RRAGD: variants seen among roughly 807,000 people sequenced by gnomAD.
The protein encoded by RRAGD is Ras related GTP binding D, also known as ras-related GTP-binding protein D.
RRAGD carries 12 observed loss-of-function variants against 35.5 expected under a neutral mutation model. The observed-to-expected ratio is 0.34, with a 90% CI of 0.22 to 0.55. The LOEUF is 0.55. Among genes scored for constraint, RRAGD ranks in the 20% least tolerant of loss-of-function variants. The pLI, the probability that RRAGD is intolerant of heterozygous loss-of-function variation, is 0.91. For synonymous variants in RRAGD, 155 were observed against 178.9 expected, an observed-to-expected ratio of 0.87 and a Z score of 1.07; for missense variants, 324 against 490.1, an observed-to-expected ratio of 0.66 and a Z score of 3.20.
At chr6:89,408,464 G>C (rs1360081839) in intron 1 of RRAGD, among the ~76,000 whole-genome samples, 6 of 152,116 alleles carry the variant, frequency 3.9e-5, no homozygotes, top group Non-Finnish European at 8.8e-5. Context: ...GACCAGCCTA[G>C]GCAATATAGA....
At chr6:89,380,506 A>T in intron 2 of RRAGD, 139 bp from the exon 3 acceptor site, 1 of 664,696 alleles carries the variant, frequency 1.5e-6, no homozygotes, top group Non-Finnish European at 2.5e-6. Flanking sequence ...CTGGCTTCTT[A>T]TAATTCCAGT....
chr6:89,379,652 T>G (rs1475889190), intron 3 of RRAGD, among the ~76,000 whole-genome samples: 1 of 152,240 alleles, frequency 6.6e-6, no homozygotes, highest in Non-Finnish European at 1.5e-5. Context: ...CAGATCATCT[T>G]TACACAAGCC....
intron 6 of RRAGD, among the ~76,000 whole-genome samples, chr6:89,370,425 C>T (rs1257302993): frequency 6.6e-6 from 1 of 152,184 alleles, no homozygotes; most frequent in Non-Finnish European, 1.5e-5. Context: ...TTTAAAAATA[C>T]TAATACCCAA....
chr6:89,396,252 C>CA (rs905678910), intron 1 of RRAGD, among the ~76,000 whole-genome samples: 11 of 151,100 alleles, frequency 7.3e-5, no homozygotes, highest in African/African-American at 2.4e-4. Flanking sequence ...CAGCAACTCT[C>CA]AAAAAAAATA....
chr6:89,399,919 T>A (rs1478082169), intron 1 of RRAGD, among the ~76,000 whole-genome samples: 1 of 152,070 alleles, frequency 6.6e-6, no homozygotes, highest in Non-Finnish European at 1.5e-5. Flanking sequence ...GGGACATTTC[T>A]ACAAACTTCA....
chr6:89,401,727 T>G (rs1278424233), intron 1 of RRAGD, among the ~76,000 whole-genome samples: 1 of 152,160 alleles, frequency 6.6e-6, no homozygotes, highest in African/African-American at 2.4e-5. Flanking sequence ...CTTCTTCAGC[T>G]CAGCCCAGCT....
Position 89,367,912 on chromosome 6 carries a change from C to G in RRAGD, c.*144G>C, listed in dbSNP as rs1768782407. On this transcript the variant is annotated 3_prime_UTR_variant, in exon 7 of 7. Transcript: ENST00000369415. ...TTACTTTATTTATAAAAGAGAAGAT[C>G]AAGAGGGTTGCAGGAATTTTTTTTT... is the stretch of plus-strand genomic sequence containing the variant. 1.5e-6 allele frequency: 1 copy of G among 662,790 alleles called. No individual in the cohort carries two copies. Among genetic ancestry groups the G allele is most frequent in the Admixed American group, 3.4e-5 (1 of 29,778 alleles). The allele number at this position is 662,790 out of a possible 1,614,324, so 41.1% of individuals were successfully genotyped here. A position where few individuals can be genotyped will look rare whatever the true frequency, so the allele number is the denominator to read the frequency against.
chr6:89,382,174 T>A (rs1287300990), intron 2 of RRAGD, among the ~76,000 whole-genome samples: 2 of 152,080 alleles, frequency 1.3e-5, no homozygotes, highest in Non-Finnish European at 2.9e-5. Context: ...AGTAAAAATG[T>A]ATCCCTAGTC....
chr6:89,368,103 TCTG>T lies in RRAGD; in HGVS notation c.1153_1155del (p.Gln385del), dbSNP rs1401390786. The T allele has an allele frequency of 6.2e-7, 1 of 1,614,024 alleles. No individual in the cohort carries two copies. Among genetic ancestry groups the T allele is most frequent in the Admixed American group, 1.7e-5 (1 of 60,004 alleles). On this transcript the variant is annotated inframe_deletion, in exon 7 of 7. Coordinates refer to ENST00000369415, the MANE Select transcript of RRAGD (RefSeq NM_021244.5). ...CCATTAGGGGTGGCTCTCTTTTTCT[TCTG>T]CAGCCGATTCTGAACCTTTCGAGAT...
intron 2 of RRAGD, among the ~76,000 whole-genome samples, chr6:89,386,485 A>G (rs149082207): frequency 2.0e-5 from 3 of 152,222 alleles, no homozygotes; most frequent in African/African-American, 7.2e-5. Context: ...CAGGTTCCCA[A>G]TTCTTTGCGT....
chr6:89,402,038 A>ATTTTTTTTT (rs71556520), intron 1 of RRAGD, among the ~76,000 whole-genome samples: 3,268 of 78,266 alleles, frequency 0.042, 700 homozygotes, highest in African/African-American at 0.17. Flanking sequence ...AATCCTAAGG[A>ATTTTTTTTT]TTTTTTTTTT....
At chr6:89,383,933 C>A (rs1236826492) in intron 2 of RRAGD, among the ~76,000 whole-genome samples, 1 of 151,868 alleles carries the variant, frequency 6.6e-6, no homozygotes, top group Non-Finnish European at 1.5e-5. Context: ...ACCATCCTGG[C>A]CAACATTGTG....
chr6:89,373,441 C>G lies in RRAGD; in HGVS notation c.903-856G>C, dbSNP rs142271697. On this transcript the variant is annotated intron_variant, in intron 5 of 6. Transcript: ENST00000369415. ...AGCCTGGCCAATATGGGTGAAACCCCATCTCTACTAAAAATACAAAAATTA... is the reference window on the plus strand; with the variant it reads ...AGCCTGGCCAATATGGGTGAAACCCGATCTCTACTAAAAATACAAAAATTA... 4.6e-3 allele frequency among the ~76,000 whole-genome samples: 697 copies of G among 152,120 alleles called. 4 individuals carry two copies. The highest frequency in any genetic ancestry group is 0.016 in the African/African-American group (646 of 41,498).
chr6:89,396,286 A>T (rs890837666), intron 1 of RRAGD, among the ~76,000 whole-genome samples: 4 of 152,184 alleles, frequency 2.6e-5, no homozygotes, highest in Non-Finnish European at 5.9e-5. Context: ...AAAACATCAA[A>T]TGACATTGTT....
In RRAGD at chr6:89,379,207, G is replaced by T. The variant is rs570026412; in HGVS notation, c.759+17C>A. ...CAAATTCTACAAGTGACTCAAACAG[G>T]AATATTATTTACTTACTGAGATAAA... is the stretch of plus-strand genomic sequence containing the variant. On this transcript the variant is annotated intron_variant, in intron 4 of 6. Transcript: ENST00000369415. 3.5e-5 allele frequency: 45 copies of T among 1,291,408 alleles called. No individual in the cohort carries two copies. The highest frequency in any genetic ancestry group is 4.3e-5 in the Non-Finnish European group (39 of 903,090). 80.0% of individuals were successfully genotyped at this position (1,291,408 alleles called of 1,614,324 possible). A position where few individuals can be genotyped will look rare whatever the true frequency, so the allele number is the denominator to read the frequency against.
At chr6:89,407,784 T>G (rs531160765) in intron 1 of RRAGD, among the ~76,000 whole-genome samples, 1 of 152,192 alleles carries the variant, frequency 6.6e-6, no homozygotes, top group East Asian at 1.9e-4. Context: ...CAGTTATCTT[T>G]GAAAGACAAA....
chr6:89,401,350 C>T (rs1452714816), intron 1 of RRAGD, among the ~76,000 whole-genome samples: 1 of 152,014 alleles, frequency 6.6e-6, no homozygotes, highest in African/African-American at 2.4e-5. Context: ...CTCTTCCTCC[C>T]AGGTTCGAGC....
intron 1 of RRAGD, among the ~76,000 whole-genome samples, chr6:89,392,802 G>T (rs1038956567): frequency 6.6e-6 from 1 of 152,126 alleles, no homozygotes; most frequent in African/African-American, 2.4e-5. Context: ...ACTGAATAAA[G>T]AAAAATTAAG....
chr6:89,406,038 T>A (rs781266516), intron 1 of RRAGD, among the ~76,000 whole-genome samples: 1 of 152,250 alleles, frequency 6.6e-6, no homozygotes, highest in African/African-American at 2.4e-5. Context: ...TTCAAAGGCA[T>A]AAAGATTTTT....
Sources: allele counts gnomAD v4.1 joint callset (sites outside exome capture counted in the v4.1 genomes callset), GRCh38; gene constraint gnomAD v4.1.1; transcripts MANE v1.5; gene names NCBI Gene and HGNC (gene_info 2026-07-23, HGNC 2026-07-21).